IL1RAPL2: variants seen among roughly 807,000 people sequenced by gnomAD.
IL1RAPL2 encodes the protein interleukin 1 receptor accessory protein like 2.
IL1RAPL2 carries 3 observed loss-of-function variants against 44.1 expected under a neutral mutation model. The observed-to-expected ratio is 0.07, with a 90% CI of 0.03 to 0.18. The LOEUF (loss-of-function observed/expected upper bound fraction) is 0.18, where lower values mean the gene tolerates loss of function less well. Ranked by LOEUF, IL1RAPL2 falls within the 10% of genes least tolerant of loss-of-function variation. IL1RAPL2 has a pLI of 1.00. For synonymous variants in IL1RAPL2, 181 were observed against 178.8 expected (o/e 1.01, Z -0.10); for missense variants, 391 against 496.4 (o/e 0.79, Z 2.02).
At chrX:105,295,050 G>C (rs1050013270) in intron 5 of IL1RAPL2, among the ~76,000 whole-genome samples, 8 of 111,623 alleles carry the variant, frequency 7.2e-5, no homozygotes, top group Admixed American at 6.7e-4. Context: ...TATAGAGGAA[G>C]GGATAAGCAG....
At chrX:104,908,831 C>G (rs1924128160) in intron 2 of IL1RAPL2, among the ~76,000 whole-genome samples, 1 of 110,195 alleles carries the variant, frequency 9.1e-6, no homozygotes, top group Non-Finnish European at 1.9e-5. Flanking sequence ...ACTGTATTTC[C>G]TGAATCTGAA....
intron 5 of IL1RAPL2, among the ~76,000 whole-genome samples, chrX:105,378,893 A>G (rs1410619077): frequency 8.9e-6 from 1 of 112,078 alleles, no homozygotes; most frequent in East Asian, 2.8e-4. Context: ...GGAGCATCAC[A>G]ATAGACATTG....
In IL1RAPL2 at chrX:104,856,933, A is replaced by C. The variant is rs1435114881; in HGVS notation, c.82+197938A>C. Among the ~76,000 whole-genome samples the C allele has an allele frequency of 4.4e-5, 5 of 112,385 alleles. No individual in the cohort carries two copies. The South Asian group carries it at 1.5e-3, about 33-fold the overall frequency. On this transcript the variant is annotated intron_variant, in intron 2 of 10. Coordinates refer to ENST00000372582, the MANE Select transcript of IL1RAPL2 (RefSeq NM_017416.2). ...TTTCCTAATAAATCTGCTTTTAACTATTCTGGTTATTTCTAAACAATTCTG... is the reference window on the plus strand; with the variant it reads ...TTTCCTAATAAATCTGCTTTTAACTCTTCTGGTTATTTCTAAACAATTCTG...
intron 2 of IL1RAPL2, among the ~76,000 whole-genome samples, chrX:104,746,624 T>A (rs2147581179): frequency 8.9e-6 from 1 of 111,840 alleles, no homozygotes; most frequent in Non-Finnish European, 1.9e-5. Flanking sequence ...GAGTCAGAAC[T>A]TTTTTTCTGA....
intron 2 of IL1RAPL2, among the ~76,000 whole-genome samples, chrX:104,695,074 A>T (rs1205369158): frequency 8.9e-6 from 1 of 111,875 alleles, no homozygotes; most frequent in Non-Finnish European, 1.9e-5. Flanking sequence ...GCCATTACAC[A>T]CTACCTTCAC....
intron 4 of IL1RAPL2, among the ~76,000 whole-genome samples, chrX:105,238,962 G>T (rs1196388173): frequency 9.0e-6 from 1 of 111,576 alleles, no homozygotes; most frequent in Non-Finnish European, 1.9e-5. Context: ...GTACACCAAG[G>T]GGACTACTAT....
intron 2 of IL1RAPL2, among the ~76,000 whole-genome samples, chrX:105,174,894 T>C (rs1253547818): frequency 2.7e-5 from 3 of 111,883 alleles, no homozygotes; most frequent in Non-Finnish European, 5.6e-5. Flanking sequence ...TTGAATAAAA[T>C]ACTAGTTATG....
chrX:105,357,121 A>G (rs1276660858), intron 5 of IL1RAPL2, among the ~76,000 whole-genome samples: 1 of 111,578 alleles, frequency 9.0e-6, no homozygotes, highest in Non-Finnish European at 1.9e-5. Flanking sequence ...TCCTGGGTTC[A>G]AATCCTGACT....
chrX:105,339,822 C>T (rs779939508), intron 5 of IL1RAPL2, among the ~76,000 whole-genome samples: 2 of 111,574 alleles, frequency 1.8e-5, no homozygotes, highest in East Asian at 5.7e-4. Context: ...GATTATGCAA[C>T]ATATAATCAG....
chrX:105,303,836 A>G (rs1408211459), intron 5 of IL1RAPL2, among the ~76,000 whole-genome samples: 4 of 112,828 alleles, frequency 3.5e-5, no homozygotes. Flanking sequence ...GGGAAGGTCA[A>G]CAGGATCTCC....
In IL1RAPL2 at chrX:105,206,052, A is replaced by G. The variant is rs781937091; in HGVS notation, c.356+10304A>G. 3.6e-5 allele frequency among the ~76,000 whole-genome samples: 4 copies of G among 110,942 alleles called. No homozygotes were observed. In the South Asian group the frequency reaches 1.6e-3, roughly 43 times the overall value. ...TGTCCTGGATGTGAGAAAAAGCTGA[A>G]TAAAGGATGACTCCTGTTGCTTTTG... On this transcript the variant is annotated intron_variant, in intron 3 of 10. Coordinates refer to ENST00000372582, the MANE Select transcript of IL1RAPL2 (RefSeq NM_017416.2).
chrX:105,175,728 C>T (rs781581064), intron 2 of IL1RAPL2, among the ~76,000 whole-genome samples: 1 of 110,283 alleles, frequency 9.1e-6, no homozygotes, highest in South Asian at 3.9e-4. Flanking sequence ...AACATTTTAC[C>T]TCACTTATTC....
intron 2 of IL1RAPL2, among the ~76,000 whole-genome samples, chrX:104,747,701 C>G (rs980442752): frequency 2.7e-5 from 3 of 111,054 alleles, no homozygotes; most frequent in African/African-American, 6.5e-5. Flanking sequence ...GCATTGGAGG[C>G]ATGGGAATGG....
At chrX:105,693,047 G>T (rs1311884068) in intron 6 of IL1RAPL2, among the ~76,000 whole-genome samples, 1 of 111,465 alleles carries the variant, frequency 9.0e-6, no homozygotes, top group Admixed American at 9.5e-5. Context: ...ATTTGTGCTA[G>T]CTCTTTCCTG....
At chrX:105,668,426 T>C (rs913914679) in intron 6 of IL1RAPL2, among the ~76,000 whole-genome samples, 2 of 112,600 alleles carry the variant, frequency 1.8e-5, no homozygotes, top group Non-Finnish European at 3.8e-5. Flanking sequence ...AGGGGAGGGT[T>C]GTCACTACTT....
At chrX:105,537,967 C>G (rs1048802079) in intron 6 of IL1RAPL2, among the ~76,000 whole-genome samples, 15 of 108,704 alleles carry the variant, frequency 1.4e-4, no homozygotes, top group Non-Finnish European at 2.9e-4. Flanking sequence ...CATCCTCTTT[C>G]TCCTCTTCAA....
At chrX:104,877,975 T>A (rs1199933258) in intron 2 of IL1RAPL2, among the ~76,000 whole-genome samples, 1 of 112,163 alleles carries the variant, frequency 8.9e-6, no homozygotes, top group South Asian at 3.7e-4. Flanking sequence ...GTGTTGGAGA[T>A]GGCTTATAGG....
chrX:104,949,354 C>A (rs1925499426), intron 2 of IL1RAPL2, among the ~76,000 whole-genome samples: 1 of 110,783 alleles, frequency 9.0e-6, no homozygotes, highest in South Asian at 3.9e-4. Context: ...TTTTGTTGAT[C>A]CTTTCAAAAA....
At chrX:104,798,350 G>A (rs192449351) in intron 2 of IL1RAPL2, among the ~76,000 whole-genome samples, 8 of 110,340 alleles carry the variant, frequency 7.3e-5, no homozygotes, top group Non-Finnish European at 1.1e-4. Context: ...TCACAAGCAT[G>A]GTCCTGTTTA....
Sources: allele counts gnomAD v4.1 joint callset (sites outside exome capture counted in the v4.1 genomes callset), GRCh38; gene constraint gnomAD v4.1.1; transcripts MANE v1.5; gene names NCBI Gene and HGNC (gene_info 2026-07-23, HGNC 2026-07-21).